SDSL: variants seen among roughly 807,000 people sequenced by gnomAD.
SDSL encodes the protein serine dehydratase-like.
SDSL carries 26 observed loss-of-function variants against 27.6 expected under a neutral mutation model. That is an observed-to-expected ratio of 0.94 (90% CI 0.69 to 1.31). The LOEUF (loss-of-function observed/expected upper bound fraction) is 1.31, where lower values mean the gene tolerates loss of function less well. Ranked by LOEUF, SDSL falls within the 50% of genes most tolerant of loss-of-function variation. SDSL has a pLI of 0.00. For missense variants in SDSL, 431 were observed against 423.5 expected (o/e 1.02, Z -0.16); for synonymous variants, 196 against 180.6 (o/e 1.09, Z -0.69).
chr12:113,428,009 C>T lies in SDSL; in HGVS notation c.27C>T (p.Ala9=). The T allele has an allele frequency of 6.2e-7, 1 of 1,613,166 alleles. No individual in the cohort carries two copies. The highest frequency in any genetic ancestry group is 8.5e-7 in the Non-Finnish European group (1 of 1,179,662). Residue 9 remains alanine (A), a synonymous_variant, in exon 2 of 8, where the codon GCC becomes GCT. Transcript: ENST00000403593. Reference sequence around the variant, plus strand: ...TGGACGGCCCTGTGGCAGAGCATGCCAAGCAGGAGCCCTTTCACGTGGTCA... The same window carrying T: ...TGGACGGCCCTGTGGCAGAGCATGCTAAGCAGGAGCCCTTTCACGTGGTCA... MDGPVAEH[A]KQEPFHVVTP...
chr12:113,425,555 C>A (rs1226231363), intron 1 of SDSL: 1 of 422,152 alleles, frequency 2.4e-6, no homozygotes, highest in Non-Finnish European at 4.7e-6. Flanking sequence ...GGGGACCGGC[C>A]CAGTGCTTTT....
intron 3 of SDSL, among the ~76,000 whole-genome samples, chr12:113,428,841 A>G (rs1010725566): frequency 6.6e-6 from 1 of 151,778 alleles, no homozygotes; most frequent in Admixed American, 6.6e-5. Flanking sequence ...CAGGAATTCC[A>G]GCCTTGCATC....
intron 4 of SDSL, among the ~76,000 whole-genome samples, chr12:113,432,172 T>A (rs1044284138): frequency 6.6e-6 from 1 of 151,988 alleles, no homozygotes; most frequent in African/African-American, 2.4e-5. Flanking sequence ...ATTACAGGTG[T>A]GAACCACTGT....
intron 7 of SDSL, 145 bp from the exon 8 acceptor site, chr12:113,437,741 G>A (rs1417540350): frequency 2.7e-6 from 2 of 729,620 alleles, no homozygotes; most frequent in African/African-American, 3.5e-5. Context: ...GAGAGCGTGA[G>A]ACAAGTGATG....
intron 4 of SDSL, among the ~76,000 whole-genome samples, chr12:113,431,358 G>A (rs1181269634): frequency 6.6e-6 from 1 of 152,190 alleles, no homozygotes; most frequent in Non-Finnish European, 1.5e-5. Flanking sequence ...CTGCTCTGGG[G>A]CAATGCAGGA....
rs1042509695 is a variant in SDSL, at chr12:113,437,949, T to G, written c.860T>G (p.Leu287Arg). The change falls in exon 8 of 8, where the codon CTC becomes CGC. Residue 287 changes from leucine to arginine, a missense_variant. By Grantham distance (102) the Leu-to-Arg change is moderately radical. Transcript: ENST00000403593. ...GAALAAIYSG[L>R]LRRLQAEGCL... ...GCCTTAGCAGCCATCTACTCAGGCC[T>G]CCTGCGGAGGCTCCAGGCCGAGGGC... 1.2e-6 allele frequency: 2 copies of G among 1,614,016 alleles called. No homozygotes were observed. The highest frequency in any genetic ancestry group is 1.7e-5 in the Admixed American group (1 of 60,004).
chr12:113,429,335 G>A, intron 4 of SDSL, 36 bp downstream of exon 4: 2 of 1,584,754 alleles, frequency 1.3e-6, no homozygotes. Flanking sequence ...CATCTGGGTG[G>A]GCTGCTCTCC....
intron 5 of SDSL, 86 bp from the exon 6 acceptor site, chr12:113,435,243 A>C (rs1593315559): frequency 2.3e-6 from 2 of 888,214 alleles, no homozygotes; most frequent in Admixed American, 5.9e-5. Flanking sequence ...CAGAGAACCC[A>C]CCCCTGGTAA....
At position 113,434,215 on chromosome 12, in the gene SDSL, C is replaced by T. The variant is rs1170566160; in HGVS notation, c.436C>T (p.Leu146=). The change falls in exon 5 of 8, where the codon CTA becomes TTA. Residue 146 remains leucine, a synonymous_variant. Coordinates refer to ENST00000403593, the MANE Select transcript of SDSL (RefSeq NM_001304993.2). ...WENVPPFDHP[L]IWKGHASLVQ... ...GAATGTCCCCCCGTTTGACCACCCC[C>T]TAATATGGTAAGGCTGACGCCCCTC... The T allele has an allele frequency of 6.2e-7, 1 of 1,612,562 alleles. No individual in the cohort carries two copies. Among genetic ancestry groups the T allele is most frequent in the Admixed American group, 1.7e-5 (1 of 59,878 alleles).
intron 4 of SDSL, among the ~76,000 whole-genome samples, chr12:113,429,989 C>T (rs1490013073): frequency 1.5e-5 from 2 of 136,058 alleles, no homozygotes; most frequent in Admixed American, 7.5e-5. Flanking sequence ...CTCCCTCCTT[C>T]CCTCCCTCCT....
intron 3 of SDSL, 47 bp from the exon 4 acceptor site, chr12:113,429,113 A>G: frequency 6.3e-7 from 1 of 1,579,598 alleles, no homozygotes; most frequent in Non-Finnish European, 8.7e-7. Context: ...AGGCATATCA[A>G]AGGCCAATCA....
intron 4 of SDSL, among the ~76,000 whole-genome samples, chr12:113,433,677 A>G (rs1214641694): frequency 1.3e-5 from 2 of 152,200 alleles, no homozygotes; most frequent in African/African-American, 4.8e-5. Context: ...GGCCGGCCCT[A>G]TGTGCCATCT....
At position 113,435,546 on chromosome 12, in the gene SDSL, G is replaced by T; in HGVS notation, c.661G>T (p.Asp221Tyr). The T allele has an allele frequency of 6.2e-7, 1 of 1,613,304 alleles. No individual in the cohort carries two copies. Among genetic ancestry groups the T allele is most frequent in the Non-Finnish European group, 8.5e-7 (1 of 1,179,502 alleles). The change falls in exon 6 of 8, where the codon GAC (aspartate) becomes TAC (tyrosine). Residue 221 changes from aspartate to tyrosine, a missense_variant. Physicochemically the swap from Asp to Tyr is radical, Grantham distance 160. Transcript: ENST00000403593. ...ITAGKLVTLP[D>Y]ITSVAKSLGA... The stretch of plus-strand genomic sequence containing the variant: ...AGCCGGCAAGCTGGTCACACTTCCA[G>T]ACATCACCAGGTGGGTAAGGGCTGG...
At chr12:113,434,929 A>G (rs761398832) in intron 5 of SDSL, among the ~76,000 whole-genome samples, 2 of 152,246 alleles carry the variant, frequency 1.3e-5, no homozygotes, top group African/African-American at 2.4e-5. Context: ...AACCTGGCCA[A>G]CATGGCAAAA....
At chr12:113,434,086 T>C in intron 4 of SDSL, 48 bp from the exon 5 acceptor site, 1 of 1,513,058 alleles carries the variant, frequency 6.6e-7, no homozygotes, top group South Asian at 1.2e-5. Flanking sequence ...CCGGCCTCCA[T>C]AGCAGTCCCA....
At chr12:113,428,568 A>G (rs1957879446) in intron 3 of SDSL, 109 bp downstream of exon 3, 2 of 870,020 alleles carry the variant, frequency 2.3e-6, no homozygotes, top group Non-Finnish European at 1.8e-6. Context: ...CAGCCTCATC[A>G]AGGTCATTGA....
intron 1 of SDSL, among the ~76,000 whole-genome samples, chr12:113,424,982 C>T (rs182965344): frequency 2.1e-4 from 32 of 152,178 alleles, no homozygotes; most frequent in Non-Finnish European, 4.1e-4. Flanking sequence ...GGGATCCACC[C>T]GCCTCAGCCT....
At chr12:113,437,813 T>G in intron 7 of SDSL, 73 bp from the exon 8 acceptor site, 1 of 1,363,442 alleles carries the variant, frequency 7.3e-7, no homozygotes, top group Non-Finnish European at 1.0e-6. Context: ...GGATCTGCCG[T>G]GCCCAGGGCC....
Position 113,437,914 on chromosome 12 carries a change from C to A in SDSL, c.825C>A (p.Ala275=). 6.2e-7 allele frequency: 1 copy of A among 1,611,104 alleles called. No homozygotes were observed. The highest frequency in any genetic ancestry group is 8.5e-7 in the Non-Finnish European group (1 of 1,178,898). ...ATGAGCGTATGCTGGTGGAGCCTGC[C>A]TGTGGGGCAGCCTTAGCAGCCATCT... The part of the protein sequence containing the change: ...LDDERMLVEP[A]CGAALAAIYS... Residue 275 remains alanine (A), a synonymous_variant, in exon 8 of 8, where the codon GCC becomes GCA. Transcript: ENST00000403593.
Sources: allele counts gnomAD v4.1 joint callset (sites outside exome capture counted in the v4.1 genomes callset), GRCh38; gene constraint gnomAD v4.1.1; transcripts MANE v1.5; gene names NCBI Gene and HGNC (gene_info 2026-07-23, HGNC 2026-07-21).